The following FMN2 variants were observed in gnomAD, a reference collection of about 807,000 sequenced individuals.
The protein encoded by FMN2 is formin-2.
In FMN2, 51 loss-of-function variants were observed where a neutral mutation model predicts 142.3. That is an observed-to-expected ratio of 0.36 (90% CI 0.29 to 0.45). The LOEUF (loss-of-function observed/expected upper bound fraction) is 0.45. FMN2 is among the 20% of genes least tolerant of loss of function. FMN2 has a pLI of 1.00. For synonymous variants in FMN2, 882 were observed against 869.8 expected (o/e 1.01, Z -0.25); for missense variants, 1,936 against 2,122.8 (o/e 0.91, Z 1.73).
chr1:240,365,864 C>T (rs1026646231), intron 14 of FMN2, among the ~76,000 whole-genome samples: 2 of 152,102 alleles, frequency 1.3e-5, no homozygotes, highest in African/African-American at 4.8e-5. Flanking sequence ...CATGTATTTT[C>T]TCCATAAGGT....
chr1:240,146,413 A>C (rs1202323008), intron 2 of FMN2, among the ~76,000 whole-genome samples: 82 of 134,360 alleles, frequency 6.1e-4, no homozygotes, highest in African/African-American at 2.2e-3. Context: ...AAAAAAAAAA[A>C]ATAGTATGGC....
rs376814459 is a variant in FMN2, at chr1:240,168,151, A to G, written c.1783-9770A>G. ...TATCTTCCCCTCTCAAAACAATTCT[A>G]TAGGGTTGTGCTATTATTTTTTAAT... On this transcript the variant is annotated intron_variant, in intron 2 of 17. Transcript: ENST00000319653. 4.6e-5 allele frequency among the ~76,000 whole-genome samples: 7 copies of G among 152,362 alleles called. No individual in the cohort carries two copies. In the East Asian group the frequency reaches 7.7e-4, roughly 17 times the overall value.
At chr1:240,221,636 C>A (rs1316409259) in intron 6 of FMN2, among the ~76,000 whole-genome samples, 1 of 151,920 alleles carries the variant, frequency 6.6e-6, no homozygotes, top group Non-Finnish European at 1.5e-5. Context: ...GATATTAGCC[C>A]TTTTGTCAGA....
At chr1:240,472,526 CATA>C (rs2103250156) in intron 17 of FMN2, 73 bp downstream of exon 17, 1 of 940,264 alleles carries the variant, frequency 1.1e-6, no homozygotes, top group Non-Finnish European at 1.6e-6. Flanking sequence ...TATACAAACT[CATA>C]ATATTTTAAT....
intron 6 of FMN2, among the ~76,000 whole-genome samples, chr1:240,237,144 AT>A (rs773641975): frequency 1.3e-5 from 2 of 152,188 alleles, no homozygotes; most frequent in Non-Finnish European, 2.9e-5. Flanking sequence ...TCTACCTCTT[AT>A]CTCATGAAAC....
intron 7 of FMN2, among the ~76,000 whole-genome samples, chr1:240,275,667 A>T (rs1669180221): frequency 1.3e-5 from 2 of 152,130 alleles, no homozygotes; most frequent in South Asian, 2.1e-4. Context: ...AAATTGCCAC[A>T]CTGTCCTCCA....
At chr1:240,150,620 C>T (rs371245976) in intron 2 of FMN2, among the ~76,000 whole-genome samples, 46 of 152,248 alleles carry the variant, frequency 3.0e-4, no homozygotes, top group African/African-American at 1.0e-3. Flanking sequence ...AACGGTGTGG[C>T]CTCACCAGTA....
chr1:240,148,255 T>C (rs61830672), intron 2 of FMN2, among the ~76,000 whole-genome samples: 1 of 135,210 alleles, frequency 7.4e-6, no homozygotes, highest in East Asian at 2.2e-4. Context: ...CAAACAGAGA[T>C]AGACAGAGAG....
At chr1:240,186,473 G>A (rs535177930) in intron 3 of FMN2, among the ~76,000 whole-genome samples, 11 of 152,312 alleles carry the variant, frequency 7.2e-5, no homozygotes, top group Admixed American at 4.6e-4. Context: ...GCAACCAAAT[G>A]CATTATGGAG....
At chr1:240,165,793 C>T (rs1321435549) in intron 2 of FMN2, among the ~76,000 whole-genome samples, 1 of 152,038 alleles carries the variant, frequency 6.6e-6, no homozygotes, top group Non-Finnish European at 1.5e-5. Flanking sequence ...AATTTTAGCC[C>T]TGAAAATGTT....
chr1:240,405,156 CTG>C (rs1674104756), intron 15 of FMN2, among the ~76,000 whole-genome samples: 1 of 152,142 alleles, frequency 6.6e-6, no homozygotes, highest in Admixed American at 6.5e-5. Context: ...AATGAAATCA[CTG>C]TGTGTTTGCC....
intron 14 of FMN2, among the ~76,000 whole-genome samples, chr1:240,391,508 A>C (rs781555494): frequency 5.9e-5 from 9 of 152,110 alleles, no homozygotes; most frequent in Non-Finnish European, 1.0e-4. Flanking sequence ...ATGTGACCCA[A>C]AGAGGAATGA....
intron 14 of FMN2, among the ~76,000 whole-genome samples, chr1:240,381,714 G>A (rs1673232375): frequency 6.6e-6 from 1 of 152,170 alleles, no homozygotes; most frequent in Non-Finnish European, 1.5e-5. Context: ...ACTGGCATGA[G>A]CCACCCTGCC....
In FMN2 at chr1:240,290,784, T is replaced by TTTG. The variant is rs200208841; in HGVS notation, c.4154-4036_4154-4035insGTT. The stretch of plus-strand genomic sequence containing the variant: ...GGAGTGATGTCTGTTTGTTTGGTTT[T>TTTG]TTTTTTTTGTTTTTTTTTTTTTTTG... On this transcript the variant is annotated intron_variant, in intron 7 of 17. Coordinates refer to ENST00000319653, the MANE Select transcript of FMN2 (RefSeq NM_020066.5). Among the ~76,000 whole-genome samples the TTTG allele has an allele frequency of 9.4e-3, 968 of 103,046 alleles. 40 individuals are homozygous for TTTG. The highest frequency in any genetic ancestry group is 0.014 in the Non-Finnish European group (723 of 50,552). 67.6% of individuals were successfully genotyped at this position (103,046 alleles called of 152,430 possible).
At chr1:240,400,088 A>G (rs1346270084) in intron 15 of FMN2, among the ~76,000 whole-genome samples, 1 of 152,202 alleles carries the variant, frequency 6.6e-6, no homozygotes, top group Non-Finnish European at 1.5e-5. Context: ...ATACAGCAGC[A>G]ACAAGCAAAA....
At chr1:240,420,393 T>C (rs1451934403) in intron 15 of FMN2, among the ~76,000 whole-genome samples, 1 of 152,218 alleles carries the variant, frequency 6.6e-6, no homozygotes, top group East Asian at 1.9e-4. Context: ...GAAGAGCCTC[T>C]TCCTGAATCG....
At chr1:240,342,080 C>T (rs959758113) in intron 13 of FMN2, among the ~76,000 whole-genome samples, 3 of 152,196 alleles carry the variant, frequency 2.0e-5, no homozygotes, top group African/African-American at 4.8e-5. Flanking sequence ...TATTCCTCCA[C>T]GATCATAGTT....
chr1:240,399,383 TC>T (rs1208957504), intron 15 of FMN2, among the ~76,000 whole-genome samples: 3 of 152,132 alleles, frequency 2.0e-5, no homozygotes, highest in African/African-American at 7.2e-5. Context: ...TAGAAATTGT[TC>T]TATGGACTTG....
chr1:240,292,502 C>T (rs1259493212), intron 7 of FMN2, among the ~76,000 whole-genome samples: 12 of 152,254 alleles, frequency 7.9e-5, no homozygotes, highest in Admixed American at 7.2e-4. Context: ...ACTGTTAACA[C>T]TTCTAGTATA....
Sources: gnomAD v4.1 joint callset for allele counts (sites outside exome capture counted in the v4.1 genomes callset) on GRCh38, gnomAD v4.1.1 for gene constraint, MANE v1.5 for transcripts, NCBI Gene and HGNC (gene_info 2026-07-23, HGNC 2026-07-21) for gene names.